Variants in COL11A1 observed in about 807,000 individuals in gnomAD.
COL11A1 encodes collagen alpha-1(XI) chain.
COL11A1 carries 74 observed loss-of-function variants against 265.2 expected under a neutral mutation model. The observed-to-expected ratio is 0.28, with a 90% confidence interval of 0.23 to 0.34. The LOEUF (loss-of-function observed/expected upper bound fraction) is 0.34. Ranked by LOEUF, COL11A1 falls within the 10% of genes least tolerant of loss-of-function variation. The probability of loss-of-function intolerance (pLI) is 1.00; values close to 1 mark genes in which losing one functional copy is unlikely to be tolerated. For missense variants in COL11A1, 2,165 were observed against 2,263.6 expected, an observed-to-expected ratio of 0.96 and a Z score of 0.88; for synonymous variants, 816 against 727.6, an observed-to-expected ratio of 1.12 and a Z score of -1.96.
chr1:103,043,222 T>C (rs1042108784), intron 4 of COL11A1, among the ~76,000 whole-genome samples: 2 of 138,676 alleles, frequency 1.4e-5, no homozygotes, highest in Non-Finnish European at 3.2e-5. Context: ...GAAATATATA[T>C]ATAATGTATA....
At chr1:102,999,543 T>C (rs1264840941) in intron 24 of COL11A1, among the ~76,000 whole-genome samples, 1 of 151,930 alleles carries the variant, frequency 6.6e-6, no homozygotes, top group African/African-American at 2.4e-5. Flanking sequence ...ATATCACAAT[T>C]TATCATAGGA....
intron 59 of COL11A1, among the ~76,000 whole-genome samples, chr1:102,889,179 T>G (rs1651406521): frequency 6.6e-6 from 1 of 152,194 alleles, no homozygotes; most frequent in African/African-American, 2.4e-5. Flanking sequence ...TATTCCTTTA[T>G]CCCTCAGAAT....
At chr1:102,884,891 T>A (rs1650767361) in intron 63 of COL11A1, among the ~76,000 whole-genome samples, 1 of 152,204 alleles carries the variant, frequency 6.6e-6, no homozygotes, top group Non-Finnish European at 1.5e-5. Context: ...TAACCCTTAG[T>A]ATACCATATG....
chr1:103,057,659 C>A (rs1670348117), intron 4 of COL11A1, among the ~76,000 whole-genome samples: 1 of 152,298 alleles, frequency 6.6e-6, no homozygotes, highest in East Asian at 1.9e-4. Context: ...ATGAAAACAA[C>A]ATTAATCTCC....
chr1:102,892,827 C>T (rs1233145419), intron 57 of COL11A1, among the ~76,000 whole-genome samples: 1 of 152,088 alleles, frequency 6.6e-6, no homozygotes, highest in Non-Finnish European at 1.5e-5. Context: ...TAACAACAGA[C>T]AAAAGTTATT....
intron 4 of COL11A1, among the ~76,000 whole-genome samples, chr1:103,047,479 C>T (rs1322295570): frequency 6.6e-6 from 1 of 152,158 alleles, no homozygotes; most frequent in Non-Finnish European, 1.5e-5. Context: ...GCTGAGGTTG[C>T]TTATCAGCTT....
At chr1:103,010,768 T>G (rs1398689623) in intron 14 of COL11A1, among the ~76,000 whole-genome samples, 5 of 151,796 alleles carry the variant, frequency 3.3e-5, no homozygotes, top group Non-Finnish European at 7.4e-5. Context: ...TGGCACAATC[T>G]CAGCTCACAG....
Position 103,075,001 on chromosome 1 carries a change from T to G in COL11A1, c.489-221A>C, listed in dbSNP as rs1671865508. Among the ~76,000 whole-genome samples, 3 of 152,100 alleles carry G rather than the reference T, an allele frequency of 2.0e-5. No homozygotes were observed. In the South Asian group the frequency reaches 6.2e-4, roughly 31 times the overall value. ...GACACAAGCAGCATAAAATGCACAG[T>G]AGAATTAGCTGTCTGTGCTGATAAG... On this transcript the variant is annotated intron_variant, in intron 3 of 66. Transcript: ENST00000370096.
chr1:103,039,574 G>A (rs1211610217), intron 4 of COL11A1, among the ~76,000 whole-genome samples: 1 of 149,148 alleles, frequency 6.7e-6, no homozygotes, highest in Admixed American at 6.7e-5. Context: ...CCATTTCCAA[G>A]CCAAGGCAAG....
intron 54 of COL11A1, among the ~76,000 whole-genome samples, chr1:102,908,483 G>A (rs987361162): frequency 1.1e-4 from 16 of 151,694 alleles, no homozygotes; most frequent in African/African-American, 3.9e-4. Flanking sequence ...AATAATTTTT[G>A]GTAAAATATT....
chr1:102,958,586 C>G (rs532409806), intron 41 of COL11A1, among the ~76,000 whole-genome samples: 1 of 152,230 alleles, frequency 6.6e-6, no homozygotes, highest in East Asian at 1.9e-4. Flanking sequence ...GATTCTGCAG[C>G]AATTAAAACA....
In COL11A1 at chr1:103,099,279, T is replaced by C. The variant is rs1674041446; in HGVS notation, c.106+8794A>G. ...TACAACTATTGTCTATTAATCTTATTAAGCATTTTGAAGCTCTATATATTT... is the reference window on the plus strand; with the variant it reads ...TACAACTATTGTCTATTAATCTTATCAAGCATTTTGAAGCTCTATATATTT... On this transcript the variant is annotated intron_variant, in intron 1 of 66. Transcript: ENST00000370096. Among the ~76,000 whole-genome samples the C allele has an allele frequency of 2.0e-5, 3 of 151,864 alleles. No individual in the cohort carries two copies. The South Asian group carries it at 6.2e-4, about 31-fold the overall frequency.
At chr1:103,002,599 G>A in intron 22 of COL11A1, 118 bp from the exon 23 acceptor site, 1 of 1,144,164 alleles carries the variant, frequency 8.7e-7, no homozygotes, top group Non-Finnish European at 1.3e-6. Flanking sequence ...ATGAGATTCT[G>A]GAAAATATTT....
Position 102,876,836 on chromosome 1 carries a change from T to C in COL11A1, c.*1183A>G, listed in dbSNP as rs9659030. ...ATTTTCCTGAATGACTTAAAACAAA[T>C]ACTCTTAATAACAGTCCACCATATG... On this transcript the variant is annotated 3_prime_UTR_variant, in exon 67 of 67. Transcript: ENST00000370096. 0.2 allele frequency: 29,786 copies of C among 152,138 alleles called. 3,068 individuals carry two copies. The highest frequency in any genetic ancestry group is 0.3 in the South Asian group (1,441 of 4,820). The allele number at this position is 152,138 out of a possible 1,614,324, so 9.4% of individuals were successfully genotyped here. A position where few individuals can be genotyped will look rare whatever the true frequency, so the allele number is the denominator to read the frequency against.
In COL11A1 at chr1:102,879,825, G is replaced by A. The variant is rs139920081; in HGVS notation, c.5132C>T (p.Thr1711Ile). The A allele has an allele frequency of 2.3e-5, 37 of 1,613,984 alleles. No homozygotes were observed. The African/African-American group carries it at 4.7e-4, about 20-fold the overall frequency. The change falls in exon 66 of 67, where the codon ACC becomes ATC. Residue 1711 changes from threonine (T) to isoleucine (I), a missense_variant. Coordinates refer to ENST00000370096, the MANE Select transcript of COL11A1 (RefSeq NM_001854.4). ...GGCTGCTGACTGATGACAGTGGTAG[G>A]TGAAATTTTGCCGAGCAGAGGCAGT... The part of the protein sequence containing the change: ...LLTASARQNF[T>I]YHCHQSAAWY...
At chr1:102,963,255 T>C (rs1213792853) in intron 38 of COL11A1, among the ~76,000 whole-genome samples, 1 of 152,044 alleles carries the variant, frequency 6.6e-6, no homozygotes. Flanking sequence ...GGACTGAAAA[T>C]TTCTCTACTA....
intron 35 of COL11A1, among the ~76,000 whole-genome samples, chr1:102,976,288 G>GTTTTTTTTTTTTTTTTTTTTT (rs1557893410): frequency 4.4e-5 from 2 of 45,242 alleles, no homozygotes; most frequent in Non-Finnish European, 1.2e-4. Flanking sequence ...GAAAACGTTG[G>GTTTTTTTTTTTTTTTTTTTTT]CTTTTTTTTT....
intron 11 of COL11A1, among the ~76,000 whole-genome samples, chr1:103,016,512 T>G (rs1666580713): frequency 1.3e-5 from 2 of 151,950 alleles, no homozygotes; most frequent in African/African-American, 4.8e-5. Flanking sequence ...GTCCATAAGC[T>G]TTCAATATAA....
chr1:102,919,247 T>G (rs1287814844), intron 49 of COL11A1, among the ~76,000 whole-genome samples: 1 of 152,016 alleles, frequency 6.6e-6, no homozygotes, highest in Non-Finnish European at 1.5e-5. Flanking sequence ...GCAGTAAGAT[T>G]TATCTAATGA....
Sources: allele counts gnomAD v4.1 joint callset (sites outside exome capture counted in the v4.1 genomes callset), GRCh38; gene constraint gnomAD v4.1.1; transcripts MANE v1.5; gene names NCBI Gene and HGNC (gene_info 2026-07-23, HGNC 2026-07-21).